The following PLCB1 variants were observed in gnomAD, a reference collection of about 807,000 sequenced individuals.
PLCB1 encodes phospholipase C beta 1.
Under a neutral mutation model 161.8 loss-of-function variants are expected in PLCB1, and 46 were observed. The observed-to-expected ratio is 0.28, with a 90% CI of 0.22 to 0.36. The LOEUF (loss-of-function observed/expected upper bound fraction) is 0.36. Among genes scored for constraint, PLCB1 ranks in the 10% least tolerant of loss-of-function variants. The pLI is 1.00. For synonymous variants in PLCB1, 517 were observed against 503.7 expected, an observed-to-expected ratio of 1.03 and a Z score of -0.35; for missense variants, 1,016 against 1,472.5, an observed-to-expected ratio of 0.69 and a Z score of 5.07.
At chr20:8,377,143 C>T (rs1218025075) in intron 3 of PLCB1, among the ~76,000 whole-genome samples, 2 of 152,030 alleles carry the variant, frequency 1.3e-5, no homozygotes, top group African/African-American at 4.8e-5. Flanking sequence ...AGATAAGTCC[C>T]ACTGAGAAGC....
chr20:8,568,301 T>C (rs1362912058), intron 3 of PLCB1, among the ~76,000 whole-genome samples: 3 of 152,124 alleles, frequency 2.0e-5, no homozygotes, highest in Non-Finnish European at 2.9e-5. Context: ...TGAACAGAGG[T>C]CAAAAATCAG....
Position 8,273,239 on chromosome 20 carries a change from G to A in PLCB1, c.178-98143G>A, listed in dbSNP as rs1250848662. 1.3e-5 allele frequency among the ~76,000 whole-genome samples: 2 copies of A among 152,092 alleles called. 1 individual carries two copies. Among genetic ancestry groups the A allele is most frequent in the Non-Finnish European group, 2.9e-5 (2 of 68,008 alleles). ...CCAAATCTATATTTAAAGGCTTTCA[G>A]CCTACCAAATCTTGCATGTATGTAA... On this transcript the variant is annotated intron_variant, in intron 2 of 31. Coordinates refer to ENST00000338037, the MANE Select transcript of PLCB1 (RefSeq NM_015192.4).
At chr20:8,844,675 G>A (rs913222154) in intron 31 of PLCB1, among the ~76,000 whole-genome samples, 1 of 152,166 alleles carries the variant, frequency 6.6e-6, no homozygotes, top group Non-Finnish European at 1.5e-5. Context: ...ACAAACTAAT[G>A]TGGTGCCAGT....
At chr20:8,850,474 T>A (rs1986850327) in intron 31 of PLCB1, among the ~76,000 whole-genome samples, 1 of 152,186 alleles carries the variant, frequency 6.6e-6, no homozygotes, top group Non-Finnish European at 1.5e-5. Flanking sequence ...GACTGGTGAT[T>A]TTTCATTCTA....
At chr20:8,229,045 G>T (rs552853727) in intron 2 of PLCB1, among the ~76,000 whole-genome samples, 2 of 151,780 alleles carry the variant, frequency 1.3e-5, no homozygotes, top group African/African-American at 4.8e-5. Flanking sequence ...CACCCTCCCC[G>T]CTACTCTTCT....
chr20:8,614,359 C>G (rs1187131896), intron 3 of PLCB1, among the ~76,000 whole-genome samples: 1 of 149,550 alleles, frequency 6.7e-6, no homozygotes, highest in Admixed American at 6.6e-5. Flanking sequence ...CACATATACA[C>G]ATACACACAC....
At chr20:8,600,227 G>A (rs1474866208) in intron 3 of PLCB1, among the ~76,000 whole-genome samples, 2 of 128,194 alleles carry the variant, frequency 1.6e-5, no homozygotes, top group African/African-American at 6.2e-5. Flanking sequence ...CCATCTTTGT[G>A]GTTTTATCTA....
intron 9 of PLCB1, among the ~76,000 whole-genome samples, chr20:8,669,240 G>C (rs1232771809): frequency 1.3e-5 from 2 of 152,182 alleles, no homozygotes; most frequent in African/African-American, 4.8e-5. Context: ...GAAGCTTGAA[G>C]GAAAAGGAAA....
chr20:8,244,293 TAC>T (rs1980765310), intron 2 of PLCB1, among the ~76,000 whole-genome samples: 1 of 151,928 alleles, frequency 6.6e-6, no homozygotes, highest in Admixed American at 6.6e-5. Flanking sequence ...AGAATAATCA[TAC>T]AGTCGTATTT....
chr20:8,182,636 G>A (rs112208537), intron 2 of PLCB1, among the ~76,000 whole-genome samples: 1 of 148,196 alleles, frequency 6.7e-6, no homozygotes, highest in African/African-American at 2.5e-5. Context: ...ACTGGAGTAC[G>A]GTGGCACGAT....
intron 31 of PLCB1, among the ~76,000 whole-genome samples, chr20:8,840,841 G>A (rs1377869379): frequency 6.6e-6 from 1 of 151,942 alleles, no homozygotes; most frequent in African/African-American, 2.4e-5. Flanking sequence ...TTTTGAGATG[G>A]AGTTTTGCTC....
chr20:8,406,905 G>A (rs2719803), intron 3 of PLCB1, among the ~76,000 whole-genome samples: 35,899 of 152,004 alleles, frequency 0.24, 4,898 homozygotes, highest in African/African-American at 0.35. Context: ...AACTTATAAT[G>A]AATATTTGAG....
In PLCB1 at chr20:8,414,454, A is replaced by G. The variant is rs113163346; in HGVS notation, c.246+43004A>G. Among the ~76,000 whole-genome samples the G allele has an allele frequency of 1.5e-3, 227 of 152,322 alleles. 1 individual carries two copies. Among genetic ancestry groups the G allele is most frequent in the African/African-American group, 5.3e-3 (220 of 41,566 alleles). Reference sequence around the variant, plus strand: ...CAGCTCTTTTAAAAGAAGTTTACCTATAAGATGCCTTAGACACACCCTCCC... The same window carrying G: ...CAGCTCTTTTAAAAGAAGTTTACCTGTAAGATGCCTTAGACACACCCTCCC... On this transcript the variant is annotated intron_variant, in intron 3 of 31. Transcript: ENST00000338037.
At chr20:8,557,026 A>T (rs912563295) in intron 3 of PLCB1, among the ~76,000 whole-genome samples, 6 of 149,980 alleles carry the variant, frequency 4.0e-5, no homozygotes, top group South Asian at 2.1e-4. Flanking sequence ...TAAATAAAAA[A>T]AATAATAAAA....
At chr20:8,757,815 A>G (rs145306604) in intron 24 of PLCB1, among the ~76,000 whole-genome samples, 1,998 of 152,130 alleles carry the variant, frequency 0.013, 14 homozygotes, top group Middle Eastern at 0.037. Context: ...TTTAGCTCCT[A>G]TATTACAGCC....
chr20:8,638,294 A>G (rs185374848), intron 4 of PLCB1, among the ~76,000 whole-genome samples: 1 of 152,210 alleles, frequency 6.6e-6, no homozygotes, highest in African/African-American at 2.4e-5. Context: ...AAGGGATACT[A>G]TTTTTAATGA....
At chr20:8,299,486 A>G (rs558922548) in intron 2 of PLCB1, among the ~76,000 whole-genome samples, 1 of 152,226 alleles carries the variant, frequency 6.6e-6, no homozygotes, top group African/African-American at 2.4e-5. Flanking sequence ...CATATCATTC[A>G]ATCTCATGGA....
chr20:8,648,277 G>C (rs958710320), intron 6 of PLCB1, among the ~76,000 whole-genome samples: 1 of 152,218 alleles, frequency 6.6e-6, no homozygotes, highest in Non-Finnish European at 1.5e-5. Flanking sequence ...GCCGACCTCA[G>C]TGCCTCTTTC....
chr20:8,350,483 G>A (rs1986148628), intron 2 of PLCB1, among the ~76,000 whole-genome samples: 1 of 152,092 alleles, frequency 6.6e-6, no homozygotes, highest in Non-Finnish European at 1.5e-5. Context: ...TCTTCATCTA[G>A]CCTATCATTG....
Sources: gnomAD v4.1 joint callset for allele counts (sites outside exome capture counted in the v4.1 genomes callset) on GRCh38, gnomAD v4.1.1 for gene constraint, MANE v1.5 for transcripts, NCBI Gene and HGNC (gene_info 2026-07-23, HGNC 2026-07-21) for gene names.